Variants in SLC20A1 observed in about 807,000 individuals in gnomAD.
The protein encoded by SLC20A1 is solute carrier family 20 member 1.
A neutral mutation model predicts 62.7 loss-of-function variants in SLC20A1; 28 were observed. The observed-to-expected ratio is 0.45, with a 90% CI of 0.33 to 0.61. The LOEUF is 0.61. Ranked by LOEUF, SLC20A1 falls within the 20% of genes least tolerant of loss-of-function variation. The probability of loss-of-function intolerance (pLI) is 0.02; values close to 1 mark genes in which losing one functional copy is unlikely to be tolerated. For missense variants in SLC20A1, 673 were observed against 838.6 expected (o/e 0.80, Z 2.44); for synonymous variants, 305 against 302.9 (o/e 1.01, Z -0.07).
intron 1 of SLC20A1, among the ~76,000 whole-genome samples, chr2:112,646,353 G>T (rs1686274044): frequency 6.6e-6 from 1 of 151,910 alleles, no homozygotes; most frequent in Non-Finnish European, 1.5e-5. Flanking sequence ...GGGCGCGCGC[G>T]GGCTGGCAGC....
In SLC20A1 at chr2:112,646,763, T is replaced by C. The variant is rs1318888505; in HGVS notation, c.-66T>C. 2.0e-6 allele frequency: 2 copies of C among 993,248 alleles called. No homozygotes were observed. Among genetic ancestry groups the C allele is most frequent in the Non-Finnish European group, 3.1e-6 (2 of 651,612 alleles). 61.5% of individuals were successfully genotyped at this position (993,248 alleles called of 1,614,324 possible). A position where few individuals can be genotyped will look rare whatever the true frequency, so the allele number is the denominator to read the frequency against. ...TTATTATAGCATTTTTGATACCTCA[T>C]ATTCTGTTTACACATCTTGAAAGGC... On this transcript the variant is annotated 5_prime_UTR_variant, in exon 2 of 11. Transcript: ENST00000272542.
intron 5 of SLC20A1, 187 bp downstream of exon 5, chr2:112,652,985 A>G (rs1207712423): frequency 4.9e-6 from 7 of 1,443,248 alleles, no homozygotes; most frequent in Non-Finnish European, 6.7e-6. Flanking sequence ...TCAACCAAAG[A>G]GACCTGCTCA....
chr2:112,662,219 T>C lies in SLC20A1; in HGVS notation c.1879-645T>C, dbSNP rs1022331330. Among the ~76,000 whole-genome samples, 9 of 152,334 alleles carry C rather than the reference T, an allele frequency of 5.9e-5. No individual in the cohort carries two copies. In the South Asian group the frequency reaches 1.7e-3, roughly 28 times the overall value. On this transcript the variant is annotated intron_variant, in intron 10 of 10. Transcript: ENST00000272542. The stretch of plus-strand genomic sequence containing the variant: ...ACCCGGATGTGTCTCCAGACAATTG[T>C]TTATTAGGTTTAATATCAGCCACTC...
At position 112,660,588 on chromosome 2, in the gene SLC20A1, AG is replaced by A. The variant is rs1426514359; in HGVS notation, c.1793+18del. Reference sequence around the variant, plus strand: ...CACCCTCTAGGTAAGTAGGTGGAGCAGGTTCTACAAATGTCAGTACTCATTT... The same window carrying A: ...CACCCTCTAGGTAAGTAGGTGGAGCAGTTCTACAAATGTCAGTACTCATTT... On this transcript the variant is annotated intron_variant, in intron 9 of 10. Transcript: ENST00000272542. 6.2e-7 allele frequency: 1 copy of A among 1,606,444 alleles called. No homozygotes were observed. Among genetic ancestry groups the A allele is most frequent in the Non-Finnish European group, 8.5e-7 (1 of 1,177,028 alleles).
At chr2:112,654,922 C>CA (rs143031557) in intron 5 of SLC20A1, among the ~76,000 whole-genome samples, 1,798 of 135,864 alleles carry the variant, frequency 0.013, 47 homozygotes, top group African/African-American at 0.047. Flanking sequence ...AGTTCAAAAA[C>CA]AAAAAAAGTT....
intron 10 of SLC20A1, among the ~76,000 whole-genome samples, chr2:112,662,217 T>C (rs1686767851): frequency 6.6e-6 from 1 of 152,184 alleles, no homozygotes; most frequent in Non-Finnish European, 1.5e-5. Context: ...TCCAGACAAT[T>C]GTTTATTAGG....
chr2:112,648,270 G>A (rs972102444), intron 4 of SLC20A1, among the ~76,000 whole-genome samples: 5 of 152,200 alleles, frequency 3.3e-5, no homozygotes, highest in South Asian at 4.1e-4. Context: ...TTTTTGGCCC[G>A]CCCCCCAAAA....
chr2:112,660,597 A>G, intron 9 of SLC20A1, 25 bp downstream of exon 9: 1 of 1,598,744 alleles, frequency 6.3e-7, no homozygotes. Flanking sequence ...CAGGTTCTAC[A>G]AATGTCAGTA....
intron 10 of SLC20A1, 51 bp downstream of exon 10, chr2:112,661,277 G>C: frequency 2.8e-6 from 4 of 1,418,504 alleles, no homozygotes; most frequent in South Asian, 1.2e-5. Context: ...TAATATGTAG[G>C]GTTTTTAGTT....
At position 112,658,636 on chromosome 2, in the gene SLC20A1, G is replaced by T. The variant is rs1188004048; in HGVS notation, c.779-189G>T. 1.5e-5 allele frequency: 10 copies of T among 651,514 alleles called. No homozygotes were observed. In the African/African-American group the frequency reaches 1.7e-4, roughly 11 times the overall value. The allele number at this position is 651,514 out of a possible 1,614,324, so 40.4% of individuals were successfully genotyped here. A position where few individuals can be genotyped will look rare whatever the true frequency, so the allele number is the denominator to read the frequency against. On this transcript the variant is annotated intron_variant, in intron 6 of 10. Coordinates refer to ENST00000272542, the MANE Select transcript of SLC20A1 (RefSeq NM_005415.5). ...CCCCTGACATAGGGTGTTCTGCATT[G>T]CTGGTTGTTCCCAAGTGAGAGTTGC... is the stretch of plus-strand genomic sequence containing the variant.
intron 5 of SLC20A1, 34 bp from the exon 6 acceptor site, chr2:112,657,088 T>G (rs1319651876): frequency 1.9e-6 from 3 of 1,613,410 alleles, no homozygotes; most frequent in Non-Finnish European, 2.5e-6. Context: ...GCTGTTGCCC[T>G]GGGGTTTTCA....
In SLC20A1 at chr2:112,663,034, G is replaced by T. The variant is rs1467457768; in HGVS notation, c.*9G>T. The T allele has an allele frequency of 1.4e-5, 22 of 1,613,766 alleles. No individual in the cohort carries two copies. Among genetic ancestry groups the T allele is most frequent in the Non-Finnish European group, 1.7e-5 (20 of 1,179,792 alleles). ...TCATCCTCAGAATGTGAAGCTGTTT[G>T]AGATTAAAATTTGTGTCAATGTTTG... On this transcript the variant is annotated 3_prime_UTR_variant, in exon 11 of 11. Transcript: ENST00000272542.
chr2:112,660,453 G>C lies in SLC20A1; in HGVS notation c.1674G>C (p.Val558=). Residue 558 remains valine, a synonymous_variant, in exon 9 of 11, where the codon GTG becomes GTC. Transcript: ENST00000272542. The part of the protein sequence containing the change: ...VYDTGDVSSK[V]ATPIWLLLYG... ...ACACAGGAGATGTTTCTTCAAAAGT[G>C]GCAACACCAATATGGCTTCTACTCT... The C allele has an allele frequency of 6.2e-7, 1 of 1,614,084 alleles. No individual in the cohort carries two copies. Among genetic ancestry groups the C allele is most frequent in the Non-Finnish European group, 8.5e-7 (1 of 1,179,986 alleles).
chr2:112,660,140 G>A (rs529710460), intron 8 of SLC20A1, among the ~76,000 whole-genome samples: 227 of 152,308 alleles, frequency 1.5e-3, no homozygotes, highest in Non-Finnish European at 1.4e-3. Flanking sequence ...GAACCTGAGA[G>A]TTGCTTTAAG....
Position 112,658,960 on chromosome 2 carries a change from C to T in SLC20A1, c.914C>T (p.Thr305Ile). 1.2e-6 allele frequency: 2 copies of T among 1,614,204 alleles called. No homozygotes were observed. The highest frequency in any genetic ancestry group is 1.7e-6 in the Non-Finnish European group (2 of 1,180,040). ...KHPVSEVGPA[T>I]VPLQAVVEER... ...CCTGTTTCTGAGGTAGGGCCTGCCA[C>T]TGTGCCCCTCCAGGCTGTGGTGGAG... The change falls in exon 7 of 11, where the codon ACT (threonine) becomes ATT (isoleucine). Residue 305 changes from threonine (T) to isoleucine (I), a missense_variant. Thr to Ile is a moderately conservative substitution (Grantham distance 89). Transcript: ENST00000272542.
rs17042222 is a variant in SLC20A1, at chr2:112,658,706, T to G, written c.779-119T>G. ...CAGGAAAAATGTTCCTGAATGTTAATTGAAGTTCACATACATTCTTGTTTT... is the reference window on the plus strand; with the variant it reads ...CAGGAAAAATGTTCCTGAATGTTAAGTGAAGTTCACATACATTCTTGTTTT... On this transcript the variant is annotated intron_variant, in intron 6 of 10. Transcript: ENST00000272542. 1,695 of 1,110,088 alleles carry G rather than the reference T, an allele frequency of 1.5e-3. 15 individuals are homozygous for G. In the African/African-American group the frequency reaches 0.024, roughly 15 times the overall value. 68.8% of individuals were successfully genotyped at this position (1,110,088 alleles called of 1,614,324 possible).
intron 5 of SLC20A1, among the ~76,000 whole-genome samples, chr2:112,655,915 G>A (rs894702036): frequency 6.6e-6 from 1 of 152,048 alleles, no homozygotes; most frequent in African/African-American, 2.4e-5. Flanking sequence ...TGGCCAGGCT[G>A]GTCTTGAACT....
At chr2:112,660,334 C>T in intron 8 of SLC20A1, 53 bp from the exon 9 acceptor site, 1 of 1,520,760 alleles carries the variant, frequency 6.6e-7, no homozygotes, top group Admixed American at 1.8e-5. Context: ...TTGGGTCTTG[C>T]CAAGATCTAG....
At chr2:112,658,606 T>C (rs1686663248) in intron 6 of SLC20A1, 1 of 475,328 alleles carries the variant, frequency 2.1e-6, no homozygotes, top group African/African-American at 2.0e-5. Context: ...AGAAAAATTT[T>C]GGGACCCCTG....
Sources: gnomAD v4.1 joint callset for allele counts (sites outside exome capture counted in the v4.1 genomes callset) on GRCh38, gnomAD v4.1.1 for gene constraint, MANE v1.5 for transcripts, NCBI Gene and HGNC (gene_info 2026-07-23, HGNC 2026-07-21) for gene names.